TBK1: variants seen among roughly 807,000 people sequenced by gnomAD.
The protein encoded by TBK1 is TANK binding kinase 1.
A neutral mutation model predicts 99.9 loss-of-function variants in TBK1; 37 were observed. The ratio of observed to expected loss-of-function variants is 0.37; its 90% CI spans 0.28 to 0.49. The LOEUF (loss-of-function observed/expected upper bound fraction) is 0.49, where lower values mean the gene tolerates loss of function less well. Ranked by LOEUF, TBK1 falls within the 20% of genes least tolerant of loss-of-function variation. The pLI is 0.98. For missense variants in TBK1, 644 were observed against 872.5 expected (o/e 0.74, Z 3.30); for synonymous variants, 258 against 279.8 (o/e 0.92, Z 0.78).
intron 13 of TBK1, 71 bp from the exon 14 acceptor site, chr12:64,495,412 G>C: frequency 1.3e-6 from 2 of 1,548,946 alleles, no homozygotes; most frequent in Non-Finnish European, 1.7e-6. Context: ...CCAGACTTTA[G>C]ACTTTGTTGG....
rs145616376 is a variant in TBK1 at position 64,484,327 on chromosome 12, A to G, written c.1017A>G (p.Val339=). ...YNTATIFHEL[V]YKQTKIISSN... is the part of the protein sequence containing the mutation. Reference sequence around the variant, plus strand: ...GTGCTACTATATTTCATGAACTGGTATATAAACAAACCAAAATTATTTCTT... The same window carrying G: ...GTGCTACTATATTTCATGAACTGGTGTATAAACAAACCAAAATTATTTCTT... The change falls in exon 9 of 21, where the codon GTA becomes GTG. Residue 339 remains valine, a synonymous_variant. Transcript: ENST00000331710. The G allele has an allele frequency of 1.2e-6, 2 of 1,612,830 alleles. No individual in the cohort carries two copies. The highest frequency in any genetic ancestry group is 1.3e-5 in the African/African-American group (1 of 74,982).
chr12:64,493,991 CTTA>C (rs1459927397), intron 13 of TBK1, among the ~76,000 whole-genome samples: 3 of 152,238 alleles, frequency 2.0e-5, no homozygotes, highest in East Asian at 3.9e-4. Context: ...TACAGTCTTA[CTTA>C]TTATTGCTCT....
At chr12:64,465,500 CAA>C (rs10714405) in intron 4 of TBK1, among the ~76,000 whole-genome samples, 6,149 of 139,800 alleles carry the variant, frequency 0.044, 402 homozygotes, top group African/African-American at 0.15. Flanking sequence ...TTCATAATAG[CAA>C]AAAAAAAAAA....
chr12:64,497,810 T>G (rs1249459755), intron 19 of TBK1, 56 bp downstream of exon 19: 4 of 1,478,190 alleles, frequency 2.7e-6, no homozygotes, highest in African/African-American at 1.4e-5. Flanking sequence ...CATTGCAGTT[T>G]GTGCTTTTGC....
intron 6 of TBK1, among the ~76,000 whole-genome samples, chr12:64,479,652 T>C (rs1163366519): frequency 6.6e-6 from 1 of 152,206 alleles, no homozygotes; most frequent in African/African-American, 2.4e-5. Context: ...AGAGGGATTA[T>C]ATGCTTTTTT....
At chr12:64,486,340 A>G (rs1269065531) in intron 11 of TBK1, among the ~76,000 whole-genome samples, 1 of 152,164 alleles carries the variant, frequency 6.6e-6, no homozygotes, top group East Asian at 1.9e-4. Flanking sequence ...AGAATTCAGT[A>G]CAATCTGTAC....
intron 13 of TBK1, among the ~76,000 whole-genome samples, chr12:64,491,417 T>G (rs900295299): frequency 2.0e-5 from 3 of 152,026 alleles, no homozygotes. Context: ...GTCCAGGAAT[T>G]CAAGACCAGC....
At chr12:64,489,132 G>T (rs1467608913) in intron 12 of TBK1, among the ~76,000 whole-genome samples, 4 of 152,198 alleles carry the variant, frequency 2.6e-5, no homozygotes, top group Non-Finnish European at 4.4e-5. Flanking sequence ...GGAAAAGGTA[G>T]TGGGAAAAAC....
chr12:64,469,599 T>A (rs2040641268), intron 5 of TBK1, among the ~76,000 whole-genome samples: 1 of 152,142 alleles, frequency 6.6e-6, no homozygotes, highest in South Asian at 2.1e-4. Context: ...TCCTTCACTT[T>A]CCCCAGTTCA....
At chr12:64,477,707 G>A (rs1457283741) in intron 6 of TBK1, among the ~76,000 whole-genome samples, 5 of 152,152 alleles carry the variant, frequency 3.3e-5, no homozygotes, top group South Asian at 2.1e-4. Context: ...AGTGGTGAGA[G>A]TGGGCATCCT....
Position 64,497,630 on chromosome 12 carries a change from T to TC in TBK1, c.1960-18_1960-17insC. 2 of 1,458,818 alleles carry TC rather than the reference T, an allele frequency of 1.4e-6. No individual in the cohort carries two copies. The highest frequency in any genetic ancestry group is 9.2e-7 in the Non-Finnish European group (1 of 1,082,538). The allele number at this position is 1,458,818 out of a possible 1,614,324, so 90.4% of individuals were successfully genotyped here. A position where few individuals can be genotyped will look rare whatever the true frequency, so the allele number is the denominator to read the frequency against. On this transcript the variant is annotated splice_polypyrimidine_tract_variant and intron_variant, in intron 18 of 20. Transcript: ENST00000331710. Reference sequence around the variant, plus strand: ...AATGTGGGGTTTTTTTCTTTTTTTTTTTTTTTTGATGTTTCAGTTACAAGA... The same window carrying TC: ...AATGTGGGGTTTTTTTCTTTTTTTTTCTTTTTTTGATGTTTCAGTTACAAGA...
At chr12:64,484,058 A>T (rs551204334) in intron 8 of TBK1, 3 of 282,426 alleles carry the variant, frequency 1.1e-5, no homozygotes, top group African/African-American at 6.7e-5. Flanking sequence ...CAGAGGAAAG[A>T]AAATATTAAG....
At chr12:64,497,618 T>A (rs768027348) in intron 18 of TBK1, 30 bp from the exon 19 acceptor site, 2 of 1,359,652 alleles carry the variant, frequency 1.5e-6, no homozygotes, top group Non-Finnish European at 2.0e-6. Context: ...GTGGGGTTTT[T>A]TTCTTTTTTT....
intron 5 of TBK1, among the ~76,000 whole-genome samples, chr12:64,468,964 C>T (rs1489829325): frequency 6.6e-6 from 1 of 152,016 alleles, no homozygotes; most frequent in East Asian, 1.9e-4. Context: ...GAACCTACTG[C>T]ATCAGTCTAG....
intron 8 of TBK1, among the ~76,000 whole-genome samples, chr12:64,483,672 G>T (rs924880480): frequency 6.6e-6 from 1 of 152,118 alleles, no homozygotes; most frequent in African/African-American, 2.4e-5. Context: ...TCAAGTCAGT[G>T]CTCTAAACCG....
At chr12:64,487,961 C>G (rs2040834892) in intron 11 of TBK1, among the ~76,000 whole-genome samples, 1 of 152,104 alleles carries the variant, frequency 6.6e-6, no homozygotes, top group Non-Finnish European at 1.5e-5. Flanking sequence ...TCTTTTTGCT[C>G]AAAGTTTATG....
chr12:64,484,577 G>C (rs1565820523), intron 9 of TBK1, 78 bp downstream of exon 9: 3 of 1,391,682 alleles, frequency 2.2e-6, no homozygotes, highest in African/African-American at 2.9e-5. Flanking sequence ...GTGAGACCTT[G>C]TCTCTACAAA....
intron 2 of TBK1, among the ~76,000 whole-genome samples, chr12:64,458,055 T>G (rs958174494): frequency 6.6e-6 from 1 of 151,076 alleles, no homozygotes; most frequent in Non-Finnish European, 1.5e-5. Flanking sequence ...GAGACCAGCC[T>G]GGGCAACATG....
At chr12:64,460,451 T>A (rs1342966211) in intron 3 of TBK1, 122 bp downstream of exon 3, 24 of 655,892 alleles carry the variant, frequency 3.7e-5, no homozygotes. Context: ...ACCAAATACT[T>A]TATCCTAAAG....
Sources: allele counts gnomAD v4.1 joint callset (sites outside exome capture counted in the v4.1 genomes callset), GRCh38; gene constraint gnomAD v4.1.1; transcripts MANE v1.5; gene names NCBI Gene and HGNC (gene_info 2026-07-23, HGNC 2026-07-21).